Variants in C9 observed in about 807,000 individuals in gnomAD.
C9 encodes complement C9, also known as complement component C9.
C9 carries 63 observed loss-of-function variants against 65.4 expected under a neutral mutation model. The ratio of observed to expected loss-of-function variants is 0.96; its 90% CI spans 0.79 to 1.19. The LOEUF (loss-of-function observed/expected upper bound fraction) is 1.19. C9 is among the 50% of genes most tolerant of loss of function. The pLI is 0.00. For synonymous variants in C9, 229 were observed against 227.9 expected (o/e 1.00, Z -0.04); for missense variants, 744 against 670.1 (o/e 1.11, Z -1.22).
chr5:39,334,857 C>T (rs1281709717), intron 4 of C9, among the ~76,000 whole-genome samples: 1 of 152,088 alleles, frequency 6.6e-6, no homozygotes, highest in Non-Finnish European at 1.5e-5. Context: ...ATGGCAATGG[C>T]AGTTTTGTGG....
intron 1 of C9, among the ~76,000 whole-genome samples, chr5:39,345,097 G>A (rs1036933228): frequency 1.3e-5 from 2 of 151,992 alleles, no homozygotes; most frequent in Admixed American, 6.6e-5. Flanking sequence ...TCAATGCCAG[G>A]AAGAAACTGC....
intron 9 of C9, among the ~76,000 whole-genome samples, chr5:39,305,225 CT>C (rs1232419084): frequency 2.6e-5 from 4 of 152,046 alleles, no homozygotes; most frequent in Non-Finnish European, 4.4e-5. Context: ...ATTTCACCAG[CT>C]TTTTTCCCCC....
chr5:39,301,030 G>A (rs1248352996), intron 9 of C9, among the ~76,000 whole-genome samples: 1 of 151,938 alleles, frequency 6.6e-6, no homozygotes, highest in Admixed American at 6.6e-5. Flanking sequence ...ATAATACATA[G>A]GAAAGTATCA....
At chr5:39,356,453 G>A (rs1256363480) in intron 1 of C9, among the ~76,000 whole-genome samples, 3 of 152,224 alleles carry the variant, frequency 2.0e-5, no homozygotes, top group Non-Finnish European at 4.4e-5. Flanking sequence ...GGACAAGAAT[G>A]CAAGTATTTT....
At chr5:39,297,052 C>A (rs1392739162) in intron 9 of C9, among the ~76,000 whole-genome samples, 1 of 151,488 alleles carries the variant, frequency 6.6e-6, no homozygotes, top group African/African-American at 2.4e-5. Context: ...AACATTACAA[C>A]TACATAGGAG....
chr5:39,347,404 A>G (rs1024479631), intron 1 of C9, among the ~76,000 whole-genome samples: 1 of 152,220 alleles, frequency 6.6e-6, no homozygotes, highest in African/African-American at 2.4e-5. Flanking sequence ...CCAAATCATG[A>G]GTGAACTCCC....
chr5:39,314,242 T>C (rs1311126713), intron 6 of C9, among the ~76,000 whole-genome samples: 3 of 151,908 alleles, frequency 2.0e-5, no homozygotes, highest in Non-Finnish European at 4.4e-5. Context: ...CTGAGGTTGG[T>C]AGTTCGAGAC....
At chr5:39,322,585 C>T (rs376555982) in intron 5 of C9, among the ~76,000 whole-genome samples, 13 of 152,056 alleles carry the variant, frequency 8.5e-5, no homozygotes, top group Middle Eastern at 3.4e-3. Context: ...AATGAACAAA[C>T]CTTTAGCTAG....
chr5:39,290,298 A>G (rs1460930277), intron 9 of C9, among the ~76,000 whole-genome samples: 1 of 151,906 alleles, frequency 6.6e-6, no homozygotes, highest in African/African-American at 2.4e-5. Flanking sequence ...AGGGAAATTT[A>G]TATGTTCACT....
rs1480075007 is a variant in C9 at position 39,308,290 on chromosome 5, T to G, written c.1180A>C (p.Ile394Leu). ...TTATTAAATTCAGCTCCAACAGAGA[T>G]TTCAGAGAAAGCCAGAGATACATCC... is the stretch of plus-strand genomic sequence containing the variant. ...HLDVSLAFSE[I>L]SVGAEFNKDD... The change falls in exon 8 of 11, where the codon ATC becomes CTC. Residue 394 changes from isoleucine to leucine, a missense_variant. By Grantham distance (5) the Ile-to-Leu change is conservative (BLOSUM62 2). Transcript: ENST00000263408. 8.1e-6 allele frequency: 13 copies of G among 1,611,400 alleles called. No homozygotes were observed. The highest frequency in any genetic ancestry group is 1.1e-5 in the Non-Finnish European group (13 of 1,177,726).
At chr5:39,296,178 TG>T (rs1361044638) in intron 9 of C9, among the ~76,000 whole-genome samples, 1 of 151,552 alleles carries the variant, frequency 6.6e-6, no homozygotes, top group African/African-American at 2.4e-5. Flanking sequence ...AATACACAAA[TG>T]GTTTATATCC....
intron 5 of C9, among the ~76,000 whole-genome samples, chr5:39,319,937 C>T (rs1258150586): frequency 6.6e-6 from 1 of 152,160 alleles, no homozygotes; most frequent in Non-Finnish European, 1.5e-5. Context: ...CACGTCTACC[C>T]AAGGACTCCA....
At chr5:39,300,241 G>C (rs2111862495) in intron 9 of C9, among the ~76,000 whole-genome samples, 1 of 152,112 alleles carries the variant, frequency 6.6e-6, no homozygotes, top group East Asian at 1.9e-4. Context: ...GGTGAAACCT[G>C]TTTCTACTAA....
chr5:39,331,860 A>G (rs768992808), intron 4 of C9, 46 bp from the exon 5 acceptor site: 1 of 1,567,444 alleles, frequency 6.4e-7, no homozygotes, highest in Non-Finnish European at 8.8e-7. Flanking sequence ...ACCACAACAC[A>G]ATGCAAGGCA....
chr5:39,345,152 A>G (rs938248614), intron 1 of C9, among the ~76,000 whole-genome samples: 6 of 152,196 alleles, frequency 3.9e-5, no homozygotes, highest in Non-Finnish European at 7.3e-5. Flanking sequence ...TAATGACAGG[A>G]TCAAATTCAC....
chr5:39,341,210 G>C lies in C9; in HGVS notation c.412C>G (p.Pro138Ala). Reference protein sequence around the residue: ...FSDEDDCESEPRPPCRDRVVE... With the variant: ...FSDEDDCESEARPPCRDRVVE... ...ACTCTGTCTCTGCAGGGGGGACGGG[G>C]CTCACTTTCACAATCATCCTCATCT... The change falls in exon 4 of 11, where the codon CCC becomes GCC. Residue 138 changes from proline (P) to alanine (A), a missense_variant. Pro to Ala is a conservative substitution (Grantham distance 27). Transcript: ENST00000263408. 6.2e-7 allele frequency: 1 copy of C among 1,614,104 alleles called. No homozygotes were observed. The highest frequency in any genetic ancestry group is 1.1e-5 in the South Asian group (1 of 91,080).
intron 9 of C9, among the ~76,000 whole-genome samples, chr5:39,301,463 C>T (rs189448720): frequency 7.4e-4 from 112 of 151,996 alleles, no homozygotes; most frequent in Middle Eastern, 3.4e-3. Flanking sequence ...GCTAATTACT[C>T]AGTGTGAATT....
rs571317897 is a variant in C9, at chr5:39,356,790, C to T, written c.77+7598G>A. On this transcript the variant is annotated intron_variant, in intron 1 of 10. Coordinates refer to ENST00000263408, the MANE Select transcript of C9 (RefSeq NM_001737.5). ...TGTCTTTCATCCTTTGAGCCCAACACCCCCTCCTCAGCCCACTTAACTCAC... is the reference window on the plus strand; with the variant it reads ...TGTCTTTCATCCTTTGAGCCCAACATCCCCTCCTCAGCCCACTTAACTCAC... Among the ~76,000 whole-genome samples the T allele has an allele frequency of 6.6e-5, 10 of 152,296 alleles. No individual in the cohort carries two copies. In the South Asian group the frequency reaches 8.3e-4, roughly 13 times the overall value.
intron 5 of C9, among the ~76,000 whole-genome samples, chr5:39,321,056 T>C (rs1197657040): frequency 6.6e-6 from 1 of 152,026 alleles, no homozygotes; most frequent in African/African-American, 2.4e-5. Context: ...AAGAAAAGAA[T>C]GATAATTCAT....
Sources: gnomAD v4.1 joint callset for allele counts (sites outside exome capture counted in the v4.1 genomes callset) on GRCh38, gnomAD v4.1.1 for gene constraint, MANE v1.5 for transcripts, NCBI Gene and HGNC (gene_info 2026-07-23, HGNC 2026-07-21) for gene names.